Variants in TXK observed in about 807,000 individuals in gnomAD.
TXK encodes TXK tyrosine kinase.
TXK carries 60 observed loss-of-function variants against 81.0 expected under a neutral mutation model. That is an observed-to-expected ratio of 0.74 (90% CI 0.60 to 0.92). The LOEUF (loss-of-function observed/expected upper bound fraction) is 0.92, where lower values mean the gene tolerates loss of function less well. Ranked by LOEUF, TXK falls within the 40% of genes least tolerant of loss-of-function variation. The pLI is 0.00. For synonymous variants in TXK, 203 were observed against 210.7 expected (o/e 0.96, Z 0.32); for missense variants, 581 against 638.3 (o/e 0.91, Z 0.97).
chr4:48,122,521 C>CT (rs1718986364), intron 1 of TXK, among the ~76,000 whole-genome samples: 3 of 152,162 alleles, frequency 2.0e-5, no homozygotes, highest in Non-Finnish European at 4.4e-5. Context: ...CTTTTTCTTT[C>CT]TTTTTTGGTG....
In TXK at chr4:48,112,514, T is replaced by A; in HGVS notation, c.175-2A>T. ...CGGCTGCACACGGCCCGTGTTGGAC[T>A]GTGAAAACCAATAAGTGAGTTGTTT... On this transcript the variant is annotated splice_acceptor_variant, in intron 3 of 14. Coordinates refer to ENST00000264316, the MANE Select transcript of TXK (RefSeq NM_003328.3). LOFTEE classifies it high-confidence loss of function. 6.2e-7 allele frequency: 1 copy of A among 1,601,362 alleles called. No individual in the cohort carries two copies. The highest frequency in any genetic ancestry group is 1.8e-5 in the Admixed American group (1 of 56,948).
intron 1 of TXK, among the ~76,000 whole-genome samples, chr4:48,120,715 T>C (rs1249373308): frequency 6.6e-6 from 1 of 152,142 alleles, no homozygotes; most frequent in Non-Finnish European, 1.5e-5. Flanking sequence ...GGTCTCAAAC[T>C]CCTGATCTCA....
At chr4:48,113,496 C>G (rs924683364) in intron 2 of TXK, among the ~76,000 whole-genome samples, 187 bp from the exon 3 acceptor site, 12 of 152,276 alleles carry the variant, frequency 7.9e-5, no homozygotes, top group Non-Finnish European at 1.3e-4. Context: ...TTTCCTTCTC[C>G]AGGAACTAGA....
At chr4:48,070,586 A>T (rs950573635) in intron 14 of TXK, among the ~76,000 whole-genome samples, 14 of 151,702 alleles carry the variant, frequency 9.2e-5, no homozygotes, top group South Asian at 2.1e-4. Context: ...TTATTTATTT[A>T]TTTATTTTTT....
chr4:48,092,304 G>A (rs1717807635), intron 8 of TXK, among the ~76,000 whole-genome samples: 1 of 152,118 alleles, frequency 6.6e-6, no homozygotes, highest in Admixed American at 6.5e-5. Flanking sequence ...TAGAAGTAGG[G>A]CACATTGGGA....
chr4:48,128,693 T>C (rs1719160196), intron 1 of TXK, among the ~76,000 whole-genome samples: 1 of 150,482 alleles, frequency 6.6e-6, no homozygotes, highest in South Asian at 2.1e-4. Context: ...GCCTCCCGAG[T>C]AGCTGGGACT....
chr4:48,128,484 TTTTG>T (rs1301068045), intron 1 of TXK, among the ~76,000 whole-genome samples: 3 of 151,908 alleles, frequency 2.0e-5, no homozygotes, highest in Non-Finnish European at 2.9e-5. Context: ...AACATATCCT[TTTTG>T]TTTTTTTTTC....
At chr4:48,069,850 C>T (rs1289412248) in intron 14 of TXK, among the ~76,000 whole-genome samples, 1 of 152,186 alleles carries the variant, frequency 6.6e-6, no homozygotes, top group Non-Finnish European at 1.5e-5. Flanking sequence ...ACATATACTT[C>T]TGAGCTACTT....
At chr4:48,126,031 T>A (rs1719080928) in intron 1 of TXK, among the ~76,000 whole-genome samples, 1 of 152,274 alleles carries the variant, frequency 6.6e-6, no homozygotes, top group South Asian at 2.1e-4. Flanking sequence ...CAGAATAATG[T>A]TTGATCAAAT....
chr4:48,080,493 C>A (rs1394153561), intron 10 of TXK, among the ~76,000 whole-genome samples: 1 of 152,056 alleles, frequency 6.6e-6, no homozygotes, highest in Admixed American at 6.6e-5. Flanking sequence ...TTCTTACCTG[C>A]AGCTGTCCAG....
At position 48,104,956 on chromosome 4, in the gene TXK, C is replaced by A. The variant is rs762056988; in HGVS notation, c.447-1G>T. The A allele has an allele frequency of 1.9e-6, 3 of 1,577,692 alleles. No homozygotes were observed. In the Admixed American group the frequency reaches 5.4e-5, roughly 28 times the overall value. On this transcript the variant is annotated splice_acceptor_variant, in intron 5 of 14. Transcript: ENST00000264316. LOFTEE classifies it high-confidence loss of function. ...TCTGGTAATGTTTCTATGGTACCACCTGTAAAAGCAATAAAAATGATTTTT... is the reference window on the plus strand; with the variant it reads ...TCTGGTAATGTTTCTATGGTACCACATGTAAAAGCAATAAAAATGATTTTT...
At position 48,079,923 on chromosome 4, in the gene TXK, G is replaced by A. The variant is rs1577651598; in HGVS notation, c.1162C>T (p.His388Tyr). 6.2e-7 allele frequency: 1 copy of A among 1,611,462 alleles called. No individual in the cohort carries two copies. The highest frequency in any genetic ancestry group is 1.1e-5 in the South Asian group (1 of 90,992). ...TGCACCATACTTACCAAATCCCTAT[G>A]AATATAGCCATTCCTCTCCAGATAT... is the stretch of plus-strand genomic sequence containing the variant. ...MEYLERNGYI[H>Y]RDLAARNCLV... is the part of the protein sequence containing the mutation. The change falls in exon 11 of 15, where the codon CAT (histidine) becomes TAT (tyrosine). Residue 388 changes from histidine (H) to tyrosine (Y), a missense_variant. His to Tyr is a moderately conservative substitution (Grantham distance 83, BLOSUM62 2). Transcript: ENST00000264316.
intron 1 of TXK, among the ~76,000 whole-genome samples, chr4:48,126,096 A>G (rs1719082332): frequency 6.6e-6 from 1 of 152,282 alleles, no homozygotes; most frequent in South Asian, 2.1e-4. Context: ...ATCACAACAC[A>G]TTAAATTTAA....
chr4:48,095,118 A>G (rs1185627713), intron 7 of TXK, 25 bp downstream of exon 7: 2 of 1,555,502 alleles, frequency 1.3e-6, no homozygotes, highest in East Asian at 2.2e-5. Flanking sequence ...TTATTTCTAT[A>G]GTAACCAAAA....
chr4:48,117,821 G>GAT (rs1291025500), intron 1 of TXK, among the ~76,000 whole-genome samples: 1 of 152,216 alleles, frequency 6.6e-6, no homozygotes, highest in Non-Finnish European at 1.5e-5. Context: ...TTCCAGATGT[G>GAT]ATAGTAATTG....
chr4:48,134,125 A>G (rs1233722270), intron 1 of TXK, 30 bp downstream of exon 1: 3 of 1,612,608 alleles, frequency 1.9e-6, no homozygotes, highest in Admixed American at 1.7e-5. Flanking sequence ...ACAAGCCCCA[A>G]AAATAAATGA....
Position 48,074,058 on chromosome 4 carries a change from G to C in TXK, c.1239-5C>G. The C allele has an allele frequency of 6.2e-6, 10 of 1,600,318 alleles. No individual in the cohort carries two copies. The highest frequency in any genetic ancestry group is 8.6e-6 in the Non-Finnish European group (10 of 1,167,892). The stretch of plus-strand genomic sequence containing the variant: ...TACTCATCATCCAAAACGTACCTAA[G>C]TTTATCAGATTCAAAGCATATTGTG... On this transcript the variant is annotated splice_polypyrimidine_tract_variant and splice_region_variant and intron_variant, in intron 12 of 14. Coordinates refer to ENST00000264316, the MANE Select transcript of TXK (RefSeq NM_003328.3).
At chr4:48,130,371 C>A (rs575612336) in intron 1 of TXK, among the ~76,000 whole-genome samples, 1 of 152,104 alleles carries the variant, frequency 6.6e-6, no homozygotes. Flanking sequence ...TCAAGCTGGG[C>A]CCAACCAGAG....
intron 10 of TXK, among the ~76,000 whole-genome samples, chr4:48,082,856 G>A (rs531539470): frequency 3.3e-5 from 5 of 152,206 alleles, no homozygotes; most frequent in African/African-American, 9.6e-5. Context: ...TCAGAGAATC[G>A]GCTGTTGGAT....
Sources: allele counts gnomAD v4.1 joint callset (sites outside exome capture counted in the v4.1 genomes callset), GRCh38; gene constraint gnomAD v4.1.1; transcripts MANE v1.5; gene names NCBI Gene and HGNC (gene_info 2026-07-23, HGNC 2026-07-21).